ZHX2: variants seen among roughly 807,000 people sequenced by gnomAD.
ZHX2 encodes zinc fingers and homeoboxes protein 2.
Under a neutral mutation model 21.9 loss-of-function variants are expected in ZHX2, and 6 were observed. That is an observed-to-expected ratio of 0.27 (90% CI 0.15 to 0.54). ZHX2 has a LOEUF of 0.54. Ranked by LOEUF, ZHX2 falls within the 20% of genes least tolerant of loss-of-function variation. The pLI is 0.95. For synonymous variants in ZHX2, 434 were observed against 437.1 expected (o/e 0.99, Z 0.09); for missense variants, 908 against 1,090.7 (o/e 0.83, Z 2.36).
intron 2 of ZHX2, among the ~76,000 whole-genome samples, chr8:122,903,323 G>T (rs1820272773): frequency 6.6e-6 from 1 of 152,194 alleles, no homozygotes; most frequent in Non-Finnish European, 1.5e-5. Flanking sequence ...TTCCAAAAGA[G>T]TATTTATCAG....
intron 2 of ZHX2, among the ~76,000 whole-genome samples, chr8:122,894,903 C>T (rs1239788399): frequency 6.6e-6 from 1 of 152,114 alleles, no homozygotes; most frequent in African/African-American, 2.4e-5. Context: ...TCTCTGTCCC[C>T]CTCAGTGTCT....
intron 1 of ZHX2, among the ~76,000 whole-genome samples, chr8:122,827,899 G>A (rs969686486): frequency 1.3e-5 from 2 of 152,206 alleles, no homozygotes; most frequent in African/African-American, 4.8e-5. Context: ...ATCCCTTTGA[G>A]CCCAGGAGTT....
intron 1 of ZHX2, among the ~76,000 whole-genome samples, chr8:122,845,040 T>C (rs1439877230): frequency 6.6e-6 from 1 of 152,196 alleles, no homozygotes; most frequent in East Asian, 1.9e-4. Context: ...GGTCTCCCTG[T>C]GCCCAAACAC....
chr8:122,867,392 T>C (rs1819325561), intron 2 of ZHX2, among the ~76,000 whole-genome samples: 1 of 152,210 alleles, frequency 6.6e-6, no homozygotes, highest in African/African-American at 2.4e-5. Flanking sequence ...ACAGGACCTG[T>C]GCTTAGCAGG....
chr8:122,925,053 G>T (rs560990855), intron 2 of ZHX2, among the ~76,000 whole-genome samples: 1 of 152,114 alleles, frequency 6.6e-6, no homozygotes, highest in Non-Finnish European at 1.5e-5. Context: ...AGGAAAAGGG[G>T]GACCCCACTG....
chr8:122,886,754 A>G (rs908062565), intron 2 of ZHX2, among the ~76,000 whole-genome samples: 3 of 152,230 alleles, frequency 2.0e-5, no homozygotes, highest in Non-Finnish European at 4.4e-5. Context: ...AGAGACAAAC[A>G]CATAATAGAA....
At chr8:122,909,779 C>T (rs371115317) in intron 2 of ZHX2, among the ~76,000 whole-genome samples, 2 of 152,196 alleles carry the variant, frequency 1.3e-5, no homozygotes, top group African/African-American at 4.8e-5. Context: ...CACACCTGGC[C>T]TCTTCCGGAA....
chr8:122,958,455 G>A (rs770787620), intron 3 of ZHX2, among the ~76,000 whole-genome samples: 17 of 152,200 alleles, frequency 1.1e-4, no homozygotes, highest in Admixed American at 4.6e-4. Flanking sequence ...GGAATATTCC[G>A]TTACTATTGC....
intron 2 of ZHX2, among the ~76,000 whole-genome samples, chr8:122,921,532 G>A (rs893950391): frequency 7.9e-5 from 12 of 152,254 alleles, no homozygotes; most frequent in South Asian, 4.1e-4. Context: ...AAAAAGAAGC[G>A]TGGGCGTGGT....
chr8:122,902,274 C>T (rs1019131617), intron 2 of ZHX2, among the ~76,000 whole-genome samples: 3 of 152,162 alleles, frequency 2.0e-5, no homozygotes, highest in Non-Finnish European at 2.9e-5. Context: ...GAGTCTTCTC[C>T]CTCAAGAGGC....
At chr8:122,971,865 G>A (rs992786618) in intron 3 of ZHX2, among the ~76,000 whole-genome samples, 1 of 152,096 alleles carries the variant, frequency 6.6e-6, no homozygotes, top group Non-Finnish European at 1.5e-5. Context: ...CTACCACAAA[G>A]TATTGCAAAC....
chr8:122,819,307 C>G (rs73331777), intron 1 of ZHX2, among the ~76,000 whole-genome samples: 1 of 152,178 alleles, frequency 6.6e-6, no homozygotes, highest in African/African-American at 2.4e-5. Flanking sequence ...CAGAATGGCA[C>G]TCTCCCACCA....
chr8:122,967,625 G>A (rs535153676), intron 3 of ZHX2, among the ~76,000 whole-genome samples: 26 of 152,316 alleles, frequency 1.7e-4, no homozygotes, highest in African/African-American at 6.0e-4. Flanking sequence ...TCAAATGCTG[G>A]TTACACCAGC....
chr8:122,801,869 C>T (rs1817727861), intron 1 of ZHX2, among the ~76,000 whole-genome samples: 1 of 152,244 alleles, frequency 6.6e-6, no homozygotes, highest in African/African-American at 2.4e-5. Context: ...TGTTTGGATG[C>T]GTTGACTTGG....
At chr8:122,887,905 G>C (rs191238484) in intron 2 of ZHX2, among the ~76,000 whole-genome samples, 18 of 152,236 alleles carry the variant, frequency 1.2e-4, no homozygotes, top group African/African-American at 4.1e-4. Flanking sequence ...GGCTCATCAG[G>C]GGACAGTGTG....
chr8:122,921,335 C>T lies in ZHX2; in HGVS notation c.-219-29957C>T, dbSNP rs56061054. ...CTGACCTCAGGTGACCCACCCACCT[C>T]GGCCTCCCAAAGTGCTAGGATTACA... On this transcript the variant is annotated intron_variant, in intron 2 of 3. Transcript: ENST00000314393. 3.9e-5 allele frequency among the ~76,000 whole-genome samples: 6 copies of T among 152,114 alleles called. 1 individual carries two copies. The highest frequency in any genetic ancestry group is 3.9e-4 in the East Asian group (2 of 5,180).
At chr8:122,882,225 G>A (rs71514785) in intron 2 of ZHX2, among the ~76,000 whole-genome samples, 2 of 151,934 alleles carry the variant, frequency 1.3e-5, no homozygotes, top group Non-Finnish European at 2.9e-5. Flanking sequence ...ACTTAGGCAA[G>A]CTTTGCACTG....
chr8:122,969,291 A>G (rs1813662477), intron 3 of ZHX2, among the ~76,000 whole-genome samples: 3 of 152,230 alleles, frequency 2.0e-5, no homozygotes, highest in South Asian at 2.1e-4. Context: ...GCAGTTATAC[A>G]GATGAGTAAC....
chr8:122,818,696 G>T (rs958275327), intron 1 of ZHX2, among the ~76,000 whole-genome samples: 1 of 152,216 alleles, frequency 6.6e-6, no homozygotes, highest in African/African-American at 2.4e-5. Context: ...TCCAGGACGC[G>T]CCCCGTGAGG....
Sources: gnomAD v4.1 joint callset for allele counts (sites outside exome capture counted in the v4.1 genomes callset) on GRCh38, gnomAD v4.1.1 for gene constraint, MANE v1.5 for transcripts, NCBI Gene and HGNC (gene_info 2026-07-23, HGNC 2026-07-21) for gene names.